The following RNF169 variants were observed in gnomAD, a reference collection of about 807,000 sequenced individuals.
The protein encoded by RNF169 is ring finger protein 169.
RNF169 carries 24 observed loss-of-function variants against 53.9 expected under a neutral mutation model. That is an observed-to-expected ratio of 0.45 (90% CI 0.32 to 0.63). The LOEUF is 0.63. Ranked by LOEUF, RNF169 falls within the 20% of genes least tolerant of loss-of-function variation. RNF169 has a pLI of 0.04. For synonymous variants in RNF169, 396 were observed against 363.5 expected, an observed-to-expected ratio of 1.09 and a Z score of -1.02; for missense variants, 883 against 906.2, an observed-to-expected ratio of 0.97 and a Z score of 0.33.
chr11:74,784,311 C>A (rs1358319940), intron 1 of RNF169, among the ~76,000 whole-genome samples: 1 of 152,296 alleles, frequency 6.6e-6, no homozygotes, highest in East Asian at 1.9e-4. Flanking sequence ...ATTTTCAGTT[C>A]ATGACATGTG....
chr11:74,775,457 A>T (rs2035319508), intron 1 of RNF169, among the ~76,000 whole-genome samples: 1 of 151,862 alleles, frequency 6.6e-6, no homozygotes, highest in African/African-American at 2.4e-5. Flanking sequence ...TTCAGTATTC[A>T]AGTATTTAGA....
Position 74,784,977 on chromosome 11 carries a change from G to T in RNF169, c.503-4649G>T, listed in dbSNP as rs924453896. ...ATGCATGCAACATTTAGCATAGAGT[G>T]TGCTTTTCATTAAACGTTAGCTGTT... On this transcript the variant is annotated intron_variant, in intron 1 of 5. Coordinates refer to ENST00000299563, the MANE Select transcript of RNF169 (RefSeq NM_001098638.2). 3.3e-5 allele frequency among the ~76,000 whole-genome samples: 5 copies of T among 151,992 alleles called. No homozygotes were observed. The East Asian group carries it at 7.7e-4, about 23-fold the overall frequency.
At chr11:74,761,992 T>C (rs1178091246) in intron 1 of RNF169, among the ~76,000 whole-genome samples, 2 of 145,180 alleles carry the variant, frequency 1.4e-5, no homozygotes, top group African/African-American at 5.2e-5. Flanking sequence ...TCTTGGAGGC[T>C]TTGCTCATTT....
rs549478934 is a variant in RNF169 at position 74,815,335 on chromosome 11, C to G, written c.724-2261C>G. ...CTTTGGGAGGCCGAGGCGGGCAGAT[C>G]ACTTGAGGTCAGGAGTTCAAGACCA... On this transcript the variant is annotated intron_variant, in intron 3 of 5. Transcript: ENST00000299563. 7.2e-5 allele frequency among the ~76,000 whole-genome samples: 11 copies of G among 152,254 alleles called. No homozygotes were observed. In the East Asian group the frequency reaches 7.7e-4, roughly 11 times the overall value.
Position 74,837,344 on chromosome 11 carries a change from A to G in RNF169, c.*614A>G, listed in dbSNP as rs2036272528. The G allele has an allele frequency of 1.3e-5, 2 of 152,302 alleles. No homozygotes were observed. The highest frequency in any genetic ancestry group is 6.5e-5 in the Admixed American group (1 of 15,286). The allele number at this position is 152,302 out of a possible 1,614,324, so 9.4% of individuals were successfully genotyped here. On this transcript the variant is annotated 3_prime_UTR_variant, in exon 6 of 6. Transcript: ENST00000299563. ...CAGACCTTATTAATTTAGTCTTTCC[A>G]AGAGACCTCTCATGTAACTGGCATT...
At chr11:74,819,045 TAATC>T (rs1288109509) in intron 4 of RNF169, among the ~76,000 whole-genome samples, 1 of 152,042 alleles carries the variant, frequency 6.6e-6, no homozygotes, top group East Asian at 1.9e-4. Context: ...CAAAGAAACA[TAATC>T]AAACCAGTCT....
At position 74,841,417 on chromosome 11, in the gene RNF169, T is replaced by C. The variant is rs1166640643; in HGVS notation, c.*4687T>C. ...TGCTGTAGCTTTCTGAAGAAGATTG[T>C]AGAAAAGAGACTAAGATATATGCAA... On this transcript the variant is annotated 3_prime_UTR_variant, in exon 6 of 6. Transcript: ENST00000299563. The C allele has an allele frequency of 6.6e-6, 1 of 152,188 alleles. No homozygotes were observed. The highest frequency in any genetic ancestry group is 1.5e-5 in the Non-Finnish European group (1 of 68,032). 9.4% of individuals were successfully genotyped at this position (152,188 alleles called of 1,614,324 possible). A position where few individuals can be genotyped will look rare whatever the true frequency, so the allele number is the denominator to read the frequency against.
intron 3 of RNF169, among the ~76,000 whole-genome samples, chr11:74,811,242 A>AT (rs1450269586): frequency 2.0e-5 from 3 of 151,822 alleles, no homozygotes; most frequent in African/African-American, 7.3e-5. Flanking sequence ...TTCTGGGTTT[A>AT]TTTATTTTTA....
At chr11:74,807,479 G>A (rs1028653043) in intron 2 of RNF169, among the ~76,000 whole-genome samples, 1 of 152,086 alleles carries the variant, frequency 6.6e-6, no homozygotes, top group Non-Finnish European at 1.5e-5. Context: ...GACTGCCCTG[G>A]TCCTCACAAC....
At position 74,835,799 on chromosome 11, in the gene RNF169, GC is replaced by G; in HGVS notation, c.1198del (p.Arg400ValfsTer3). 6.2e-7 allele frequency: 1 copy of G among 1,614,154 alleles called. No homozygotes were observed. Among genetic ancestry groups the G allele is most frequent in the Non-Finnish European group, 8.5e-7 (1 of 1,180,022 alleles). The part of the protein sequence containing the change: ...PCTPPKRLPD[G>X]RVLSPLIIKS... Reference sequence around the variant, plus strand: ...ACTCCTCCCAAGAGACTCCCTGATGGCCGTGTGCTAAGTCCTCTCATCATCA... The same window carrying G: ...ACTCCTCCCAAGAGACTCCCTGATGGCGTGTGCTAAGTCCTCTCATCATCA... On this transcript the variant is annotated frameshift_variant, in exon 6 of 6. Transcript: ENST00000299563. LOFTEE classifies it high-confidence loss of function.
At chr11:74,770,055 G>C (rs1253040664) in intron 1 of RNF169, among the ~76,000 whole-genome samples, 7 of 152,200 alleles carry the variant, frequency 4.6e-5, no homozygotes, top group Admixed American at 4.6e-4. Flanking sequence ...GTCTCTCAAA[G>C]TGCTGGGATT....
intron 1 of RNF169, among the ~76,000 whole-genome samples, chr11:74,788,610 G>A (rs2035539146): frequency 6.6e-6 from 1 of 152,116 alleles, no homozygotes; most frequent in African/African-American, 2.4e-5. Context: ...GACCAGGCTG[G>A]TTTTGAACTC....
chr11:74,765,411 A>G (rs1339368219), intron 1 of RNF169, among the ~76,000 whole-genome samples: 1 of 152,250 alleles, frequency 6.6e-6, no homozygotes, highest in Non-Finnish European at 1.5e-5. Flanking sequence ...TGACCGTAGT[A>G]TAATAAAATT....
rs1403338104 is a variant in RNF169, at chr11:74,782,438, C to T, written c.503-7188C>T. Among the ~76,000 whole-genome samples the T allele has an allele frequency of 9.2e-5, 14 of 152,262 alleles. No individual in the cohort carries two copies. In the East Asian group the frequency reaches 2.7e-3, roughly 29 times the overall value. Reference sequence around the variant, plus strand: ...AGCATGAACCCTATTGTGAACTGTGCATGCAAGGGATCTAGGTAGGCTGTG... The same window carrying T: ...AGCATGAACCCTATTGTGAACTGTGTATGCAAGGGATCTAGGTAGGCTGTG... On this transcript the variant is annotated intron_variant, in intron 1 of 5. Coordinates refer to ENST00000299563, the MANE Select transcript of RNF169 (RefSeq NM_001098638.2).
At position 74,841,935 on chromosome 11, in the gene RNF169, A is replaced by G. The variant is rs1462393679; in HGVS notation, c.*5205A>G. 1 of 152,306 alleles carries G rather than the reference A, an allele frequency of 6.6e-6. No individual in the cohort carries two copies. Among genetic ancestry groups the G allele is most frequent in the Non-Finnish European group, 1.5e-5 (1 of 68,044 alleles). The allele number at this position is 152,306 out of a possible 1,614,324, so 9.4% of individuals were successfully genotyped here. A position where few individuals can be genotyped will look rare whatever the true frequency, so the allele number is the denominator to read the frequency against. ...GTATTACCAACGCTGAGCCTCCAGC[A>G]GAGCACTTAAAAGTCCTAGTGAGAG... On this transcript the variant is annotated 3_prime_UTR_variant, in exon 6 of 6. Coordinates refer to ENST00000299563, the MANE Select transcript of RNF169 (RefSeq NM_001098638.2).
chr11:74,780,485 A>G (rs560658753), intron 1 of RNF169, among the ~76,000 whole-genome samples: 22 of 152,310 alleles, frequency 1.4e-4, no homozygotes, highest in South Asian at 8.3e-4. Flanking sequence ...GCCTAACATA[A>G]TTCACCTCCT....
chr11:74,766,792 T>C (rs193155039), intron 1 of RNF169, among the ~76,000 whole-genome samples: 193 of 152,318 alleles, frequency 1.3e-3, no homozygotes, highest in African/African-American at 4.5e-3. Context: ...ATTGAAGAAG[T>C]ACCAGGCACA....
intron 1 of RNF169, among the ~76,000 whole-genome samples, chr11:74,757,399 G>C (rs1315231091): frequency 4.1e-5 from 5 of 121,368 alleles, no homozygotes; most frequent in Admixed American, 2.7e-4. Context: ...GTCTATCATT[G>C]TTGGACATTT....
At chr11:74,780,172 G>A (rs552099701) in intron 1 of RNF169, among the ~76,000 whole-genome samples, 1 of 152,210 alleles carries the variant, frequency 6.6e-6, no homozygotes, top group East Asian at 1.9e-4. Context: ...ACCCAAGTAT[G>A]TTTTTCCTTT....
Sources: allele counts gnomAD v4.1 joint callset (sites outside exome capture counted in the v4.1 genomes callset), GRCh38; gene constraint gnomAD v4.1.1; transcripts MANE v1.5; gene names NCBI Gene and HGNC (gene_info 2026-07-23, HGNC 2026-07-21).